EVI5: variants seen among roughly 807,000 people sequenced by gnomAD.
The protein encoded by EVI5 is ecotropic viral integration site 5.
EVI5 carries 73 observed loss-of-function variants against 112.0 expected under a neutral mutation model. That is an observed-to-expected ratio of 0.65 (90% CI 0.54 to 0.79). The LOEUF is 0.79. Ranked by LOEUF, EVI5 falls within the 30% of genes least tolerant of loss-of-function variation. EVI5 has a pLI of 0.00. For synonymous variants in EVI5, 305 were observed against 319.9 expected (o/e 0.95, Z 0.50); for missense variants, 900 against 968.8 (o/e 0.93, Z 0.94).
chr1:92,551,324 G>A lies in EVI5; in HGVS notation c.2166+12318C>T, dbSNP rs977604011. On this transcript the variant is annotated intron_variant, in intron 19 of 19. Coordinates refer to ENST00000684568, the MANE Select transcript of EVI5 (RefSeq NM_001350197.2). ...ATTACAGGCGTGAGCCACTGTGCTC[G>A]GCAACTGCATGAATTTCTATTCCTC... Among the ~76,000 whole-genome samples, 4 of 152,082 alleles carry A rather than the reference G, an allele frequency of 2.6e-5. No individual in the cohort carries two copies. In the East Asian group the frequency reaches 7.7e-4, roughly 29 times the overall value.
chr1:92,721,405 T>C (rs1443148273), intron 2 of EVI5, among the ~76,000 whole-genome samples: 2 of 152,088 alleles, frequency 1.3e-5, no homozygotes, highest in Non-Finnish European at 2.9e-5. Flanking sequence ...GAAACCATCA[T>C]TCTGAGCAAA....
intron 4 of EVI5, among the ~76,000 whole-genome samples, chr1:92,702,806 C>CA (rs374337779): frequency 0.43 from 34,138 of 80,208 alleles, 4,372 homozygotes; most frequent in Middle Eastern, 0.47. Flanking sequence ...AACTCCATCT[C>CA]AAAAAAAAAA....
chr1:92,786,660 C>G (rs1446052810), upstream of EVI5, among the ~76,000 whole-genome samples: 2 of 152,164 alleles, frequency 1.3e-5, no homozygotes, highest in Admixed American at 1.3e-4. Flanking sequence ...TTTATCCCCT[C>G]TCTAATCTCA....
intron 13 of EVI5, among the ~76,000 whole-genome samples, chr1:92,654,279 C>T (rs1446171822): frequency 6.6e-6 from 1 of 152,116 alleles, no homozygotes; most frequent in Non-Finnish European, 1.5e-5. Flanking sequence ...CTGAAATGCA[C>T]AACCCAACAG....
At chr1:92,532,297 G>C (rs755670128) in intron 19 of EVI5, among the ~76,000 whole-genome samples, 1 of 152,120 alleles carries the variant, frequency 6.6e-6, no homozygotes, top group Non-Finnish European at 1.5e-5. Flanking sequence ...AGTCCTTAGA[G>C]ACCTACAAAG....
intron 13 of EVI5, among the ~76,000 whole-genome samples, chr1:92,639,498 T>A (rs553580814): frequency 1.4e-4 from 22 of 152,068 alleles, no homozygotes; most frequent in Non-Finnish European, 2.5e-4. Context: ...TGAAAAAAAA[T>A]TGAAATTAGA....
chr1:92,557,700 C>T (rs1667893570), intron 19 of EVI5, among the ~76,000 whole-genome samples: 1 of 151,514 alleles, frequency 6.6e-6, no homozygotes, highest in Admixed American at 6.6e-5. Context: ...TGTTCTCTGA[C>T]AAATCATAAA....
At chr1:92,589,091 G>T (rs188414516) in intron 18 of EVI5, among the ~76,000 whole-genome samples, 1 of 152,190 alleles carries the variant, frequency 6.6e-6, no homozygotes, top group Non-Finnish European at 1.5e-5. Context: ...CATTAACAGG[G>T]AATGCTGATC....
At chr1:92,605,096 A>AC (rs1650070621) in intron 18 of EVI5, among the ~76,000 whole-genome samples, 1 of 152,178 alleles carries the variant, frequency 6.6e-6, no homozygotes, top group Non-Finnish European at 1.5e-5. Context: ...TGATGGCTGC[A>AC]CAACAGTGTC....
chr1:92,670,064 C>T (rs1006819321), intron 10 of EVI5, among the ~76,000 whole-genome samples: 1 of 152,084 alleles, frequency 6.6e-6, no homozygotes, highest in African/African-American at 2.4e-5. Context: ...GACAAACATA[C>T]CCTGGACACA....
At chr1:92,525,242 T>TCAG (rs1185205803) in intron 19 of EVI5, among the ~76,000 whole-genome samples, 33 of 149,386 alleles carry the variant, frequency 2.2e-4, no homozygotes, top group Non-Finnish European at 3.7e-4. Flanking sequence ...ATGAGTCAGT[T>TCAG]CAGAATCAGT....
At chr1:92,771,582 G>A (rs552717558) in intron 1 of EVI5, among the ~76,000 whole-genome samples, 2 of 149,468 alleles carry the variant, frequency 1.3e-5, no homozygotes, top group East Asian at 4.0e-4. Flanking sequence ...CAATTCCTTG[G>A]ATAAGGAATA....
chr1:92,528,264 T>C (rs1662266158), intron 19 of EVI5, among the ~76,000 whole-genome samples: 1 of 152,202 alleles, frequency 6.6e-6, no homozygotes, highest in Non-Finnish European at 1.5e-5. Context: ...TATAAGCACT[T>C]TGGAAAATGG....
At chr1:92,588,522 G>T (rs1428897227) in intron 18 of EVI5, among the ~76,000 whole-genome samples, 1 of 152,124 alleles carries the variant, frequency 6.6e-6, no homozygotes, top group Admixed American at 6.5e-5. Context: ...TGTGAAAATA[G>T]CAACAGTCCT....
chr1:92,614,329 C>A (rs1652552024), intron 16 of EVI5, among the ~76,000 whole-genome samples: 1 of 152,176 alleles, frequency 6.6e-6, no homozygotes, highest in Admixed American at 6.5e-5. Context: ...AAACAAAGCA[C>A]TCCCAAAAGA....
chr1:92,636,963 T>C lies in EVI5; in HGVS notation c.1393-627A>G, dbSNP rs531906262. ...ATATTGCTATTTGATAGTACTGTTA[T>C]ATACTACAGAAGACATGTAAAGATT... On this transcript the variant is annotated intron_variant, in intron 13 of 19. Transcript: ENST00000684568. 5.8e-4 allele frequency among the ~76,000 whole-genome samples: 88 copies of C among 152,284 alleles called. 1 individual carries two copies. The South Asian group carries it at 0.017, about 30-fold the overall frequency.
At chr1:92,639,641 A>C (rs776698840) in intron 13 of EVI5, among the ~76,000 whole-genome samples, 7 of 152,136 alleles carry the variant, frequency 4.6e-5, no homozygotes, top group Non-Finnish European at 7.4e-5. Flanking sequence ...CCCTGTTCTC[A>C]TCTCTTTTGT....
chr1:92,764,513 T>C (rs557247774), intron 1 of EVI5, among the ~76,000 whole-genome samples: 37 of 152,310 alleles, frequency 2.4e-4, no homozygotes, highest in African/African-American at 8.2e-4. Context: ...GCCATATCCT[T>C]AGACTCAATA....
chr1:92,709,885 G>A (rs1672573761), intron 2 of EVI5, among the ~76,000 whole-genome samples: 2 of 151,906 alleles, frequency 1.3e-5, no homozygotes, highest in African/African-American at 2.4e-5. Flanking sequence ...TATAATTAAG[G>A]TAGTCTGGCA....
Sources: gnomAD v4.1 joint callset for allele counts (sites outside exome capture counted in the v4.1 genomes callset) on GRCh38, gnomAD v4.1.1 for gene constraint, MANE v1.5 for transcripts, NCBI Gene and HGNC (gene_info 2026-07-23, HGNC 2026-07-21) for gene names.